Variants in GNA14 observed in about 807,000 individuals in gnomAD.
GNA14 encodes the protein G protein subunit alpha 14.
Under a neutral mutation model 42.0 loss-of-function variants are expected in GNA14, and 50 were observed. The observed-to-expected ratio is 1.19, with a 90% confidence interval of 0.95 to 1.51. GNA14 has a LOEUF of 1.51. Among genes scored for constraint, GNA14 ranks in the 40% most tolerant of loss-of-function variants. GNA14 has a pLI of 0.00. For missense variants in GNA14, 473 were observed against 446.2 expected, an observed-to-expected ratio of 1.06 and a Z score of -0.54; for synonymous variants, 173 against 163.1, an observed-to-expected ratio of 1.06 and a Z score of -0.46.
chr9:77,562,114 A>G (rs572061137), intron 1 of GNA14, among the ~76,000 whole-genome samples: 7 of 152,354 alleles, frequency 4.6e-5, no homozygotes, highest in South Asian at 4.1e-4. Flanking sequence ...TCAGATGGGT[A>G]GCATGAATGC....
chr9:77,533,947 C>T (rs1372197392), intron 1 of GNA14, among the ~76,000 whole-genome samples: 1 of 152,250 alleles, frequency 6.6e-6, no homozygotes, highest in Non-Finnish European at 1.5e-5. Context: ...TGGCCTTCCA[C>T]TCAACTAGCA....
At chr9:77,487,414 T>C (rs1836680009) in intron 2 of GNA14, among the ~76,000 whole-genome samples, 1 of 152,230 alleles carries the variant, frequency 6.6e-6, no homozygotes, top group Non-Finnish European at 1.5e-5. Context: ...AAGTAAGCAG[T>C]TGAGGGAGCT....
At chr9:77,553,385 C>T (rs1053892871) in intron 1 of GNA14, among the ~76,000 whole-genome samples, 10 of 151,856 alleles carry the variant, frequency 6.6e-5, no homozygotes, top group African/African-American at 2.4e-4. Context: ...CACATGGAAA[C>T]AAGATCAGAC....
At chr9:77,486,988 A>G (rs928987651) in intron 2 of GNA14, among the ~76,000 whole-genome samples, 3 of 151,200 alleles carry the variant, frequency 2.0e-5, no homozygotes, top group Non-Finnish European at 2.9e-5. Flanking sequence ...GACTTGCTCA[A>G]TGTAGTGTTA....
At chr9:77,580,582 GT>G in intron 1 of GNA14, 1 of 502,972 alleles carries the variant, frequency 2.0e-6, no homozygotes, top group Non-Finnish European at 3.9e-6. Flanking sequence ...TGAAGCTTGG[GT>G]TTGCACCAAT....
intron 2 of GNA14, among the ~76,000 whole-genome samples, chr9:77,516,616 C>G (rs1458724949): frequency 6.6e-6 from 1 of 151,994 alleles, no homozygotes; most frequent in Non-Finnish European, 1.5e-5. Context: ...GTCCTGGCTA[C>G]TCGGGAAGCT....
At chr9:77,457,240 A>G (rs1836016480) in intron 2 of GNA14, among the ~76,000 whole-genome samples, 1 of 152,248 alleles carries the variant, frequency 6.6e-6, no homozygotes, top group Non-Finnish European at 1.5e-5. Context: ...AGAGAGAAAA[A>G]GAAAGAGACT....
chr9:77,458,217 T>C (rs1047827254), intron 2 of GNA14, among the ~76,000 whole-genome samples: 1 of 152,166 alleles, frequency 6.6e-6, no homozygotes, highest in Admixed American at 6.5e-5. Context: ...GGCGACTGTC[T>C]TAGGGACCCG....
intron 1 of GNA14, among the ~76,000 whole-genome samples, chr9:77,640,181 TC>T (rs1240208225): frequency 2.0e-5 from 3 of 152,134 alleles, no homozygotes; most frequent in Non-Finnish European, 4.4e-5. Context: ...GTGCCTTGAG[TC>T]CCCTAACCCA....
chr9:77,490,070 TAC>T (rs751626070), intron 2 of GNA14, among the ~76,000 whole-genome samples: 5 of 151,980 alleles, frequency 3.3e-5, no homozygotes, highest in Non-Finnish European at 7.4e-5. Flanking sequence ...AGCAGCTAGA[TAC>T]AGAGTGTCGA....
intron 1 of GNA14, among the ~76,000 whole-genome samples, chr9:77,555,523 C>T (rs1422023316): frequency 6.6e-6 from 1 of 152,048 alleles, no homozygotes; most frequent in Non-Finnish European, 1.5e-5. Context: ...AAAACATCCC[C>T]ACATATATGC....
chr9:77,431,544 C>T, intron 3 of GNA14, 95 bp from the exon 4 acceptor site: 2 of 1,070,614 alleles, frequency 1.9e-6, no homozygotes, highest in Non-Finnish European at 2.7e-6. Flanking sequence ...CACAGTGAGC[C>T]CCACACAGAC....
intron 2 of GNA14, among the ~76,000 whole-genome samples, chr9:77,527,079 T>C (rs1837451300): frequency 6.6e-6 from 1 of 152,190 alleles, no homozygotes; most frequent in African/African-American, 2.4e-5. Context: ...AAACCCATCC[T>C]TGAATTCCAA....
At chr9:77,449,858 CT>C (rs1286786112) in intron 2 of GNA14, among the ~76,000 whole-genome samples, 1 of 152,216 alleles carries the variant, frequency 6.6e-6, no homozygotes, top group Non-Finnish European at 1.5e-5. Context: ...CATAATCTCC[CT>C]CTTGAGAACC....
intron 2 of GNA14, among the ~76,000 whole-genome samples, chr9:77,522,571 GA>G (rs1837375594): frequency 6.6e-6 from 1 of 152,192 alleles, no homozygotes; most frequent in East Asian, 1.9e-4. Context: ...AAGGTTGACA[GA>G]AAAGCAGAAT....
At chr9:77,641,044 G>A (rs948874125) in intron 1 of GNA14, among the ~76,000 whole-genome samples, 1 of 119,104 alleles carries the variant, frequency 8.4e-6, no homozygotes, top group Non-Finnish European at 1.7e-5. Context: ...TCACGAATTT[G>A]CATGGGAAGG....
At chr9:77,463,664 A>C (rs955010542) in intron 2 of GNA14, among the ~76,000 whole-genome samples, 1 of 152,214 alleles carries the variant, frequency 6.6e-6, no homozygotes, top group African/African-American at 2.4e-5. Flanking sequence ...CAGCAATGAG[A>C]AATGCCTCAA....
At chr9:77,524,534 A>C (rs895476808) in intron 2 of GNA14, among the ~76,000 whole-genome samples, 3 of 152,228 alleles carry the variant, frequency 2.0e-5, no homozygotes, top group Non-Finnish European at 2.9e-5. Flanking sequence ...TAAAAGCTGA[A>C]GTTTTATTCT....
At chr9:77,607,482 T>C (rs1360145283) in intron 1 of GNA14, among the ~76,000 whole-genome samples, 2 of 152,168 alleles carry the variant, frequency 1.3e-5, no homozygotes, top group African/African-American at 4.8e-5. Context: ...TCTAACATTA[T>C]ATGTGTCCTC....
Sources: gnomAD v4.1 joint callset for allele counts (sites outside exome capture counted in the v4.1 genomes callset) on GRCh38, gnomAD v4.1.1 for gene constraint, MANE v1.5 for transcripts, NCBI Gene and HGNC (gene_info 2026-07-23, HGNC 2026-07-21) for gene names.